The following AMD1 variants were observed in gnomAD, a reference collection of about 807,000 sequenced individuals.
AMD1 encodes adenosylmethionine decarboxylase 1.
A neutral mutation model predicts 40.2 loss-of-function variants in AMD1; 11 were observed. The ratio of observed to expected loss-of-function variants is 0.27; its 90% CI spans 0.17 to 0.45. The LOEUF (loss-of-function observed/expected upper bound fraction) is 0.45. Ranked by LOEUF, AMD1 falls within the 20% of genes least tolerant of loss-of-function variation. The probability of loss-of-function intolerance (pLI) is 1.00; values close to 1 mark genes in which losing one functional copy is unlikely to be tolerated. For synonymous variants in AMD1, 121 were observed against 130.8 expected, an observed-to-expected ratio of 0.93 and a Z score of 0.51; for missense variants, 257 against 410.2, an observed-to-expected ratio of 0.63 and a Z score of 3.23.
the AMD1 span, among the ~76,000 whole-genome samples, chr6:110,841,793 T>G: frequency 6.6e-6 from 1 of 151,532 alleles, no homozygotes; most frequent in South Asian, 2.1e-4. Context: ...TTGTTTTATT[T>G]TATTTATTTA....
intron 1 of AMD1, among the ~76,000 whole-genome samples, chr6:110,884,956 C>G (rs964699048): frequency 6.6e-6 from 1 of 152,120 alleles, no homozygotes; most frequent in Non-Finnish European, 1.5e-5. Flanking sequence ...TAGATAAGCT[C>G]TTTAAAAATC....
the AMD1 span, among the ~76,000 whole-genome samples, chr6:110,827,784 A>G: frequency 6.8e-6 from 1 of 147,540 alleles, no homozygotes; most frequent in Non-Finnish European, 1.5e-5. Flanking sequence ...AAAAAAAAAC[A>G]CTACGAGAAT....
the AMD1 span, among the ~76,000 whole-genome samples, chr6:110,835,528 T>C: frequency 6.6e-6 from 1 of 152,134 alleles, no homozygotes; most frequent in East Asian, 1.9e-4. Flanking sequence ...ATATTGTGTT[T>C]CACTGAGTCA....
In AMD1 at chr6:110,876,047, G is replaced by C. The variant is rs560384598; in HGVS notation, c.110+832G>C. 2.6e-5 allele frequency among the ~76,000 whole-genome samples: 4 copies of C among 152,338 alleles called. No individual in the cohort carries two copies. In the South Asian group the frequency reaches 8.3e-4, roughly 32 times the overall value. On this transcript the variant is annotated intron_variant, in intron 1 of 8. Coordinates refer to ENST00000368885, the MANE Select transcript of AMD1 (RefSeq NM_001634.6). ...GGTGCGGGTGGAGGGAGGCCCGCCT[G>C]CCCCAGGACATAATGCCTCTAATGC...
chr6:110,814,846 G>T, the AMD1 span: 2 of 894,556 alleles, frequency 2.2e-6, no homozygotes, highest in Non-Finnish European at 1.7e-6. Flanking sequence ...GGGGAGGCGG[G>T]CGGAACGGGC....
the AMD1 span, among the ~76,000 whole-genome samples, chr6:110,866,637 C>T: frequency 6.6e-6 from 1 of 152,064 alleles, no homozygotes; most frequent in South Asian, 2.1e-4. Context: ...CATTCCTGGC[C>T]TTCCAGGGAG....
At chr6:110,851,913 T>C in the AMD1 span, among the ~76,000 whole-genome samples, 1 of 152,230 alleles carries the variant, frequency 6.6e-6, no homozygotes, top group Middle Eastern at 3.4e-3. Flanking sequence ...TGAATGAATA[T>C]GCAAAAAATA....
intron 6 of AMD1, 77 bp downstream of exon 6, chr6:110,892,520 T>G: frequency 6.3e-7 from 1 of 1,585,904 alleles, no homozygotes; most frequent in Admixed American, 1.7e-5. Flanking sequence ...CTGTAACTTT[T>G]AAGTTCAGGG....
chr6:110,890,441 T>TA (rs1785950775), intron 4 of AMD1, 85 bp downstream of exon 4: 1 of 958,474 alleles, frequency 1.0e-6, no homozygotes, highest in African/African-American at 1.7e-5. Context: ...AGAGCATACT[T>TA]ATGCATATAT....
chr6:110,815,166 G>A, the AMD1 span: 34 of 1,560,540 alleles, frequency 2.2e-5, no homozygotes, highest in Non-Finnish European at 2.9e-5. Flanking sequence ...GGCACGGGAC[G>A]CGGGGGCCGC....
intron 1 of AMD1, among the ~76,000 whole-genome samples, chr6:110,882,690 CTGTT>C (rs1471877567): frequency 9.9e-5 from 15 of 152,118 alleles, no homozygotes; most frequent in African/African-American, 3.6e-4. Context: ...GACAGTTTAA[CTGTT>C]TGTCCTAGGT....
At chr6:110,888,677 G>A (rs985325206) in intron 2 of AMD1, 180 bp from the exon 3 acceptor site, 42 of 479,010 alleles carry the variant, frequency 8.8e-5, no homozygotes, top group African/African-American at 5.4e-4. Flanking sequence ...CTTACCATGT[G>A]CCAAGCCCTG....
the AMD1 span, chr6:110,858,292 C>A: frequency 2.2e-6 from 2 of 923,650 alleles, no homozygotes; most frequent in East Asian, 2.6e-5. Context: ...CAGCCGAGAT[C>A]AAGAACCGGC....
chr6:110,893,164 T>C (rs1027311968), intron 8 of AMD1, 99 bp downstream of exon 8: 126 of 1,092,972 alleles, frequency 1.2e-4, no homozygotes, highest in Non-Finnish European at 1.6e-4. Flanking sequence ...ATAGCACATA[T>C]ACCAGCCACT....
At chr6:110,874,208 C>G (rs937545004), upstream of AMD1, among the ~76,000 whole-genome samples, 1 of 152,226 alleles carries the variant, frequency 6.6e-6, no homozygotes, top group Non-Finnish European at 1.5e-5. Context: ...CGCACATCAG[C>G]CAAGGCGTGA....
the AMD1 span, among the ~76,000 whole-genome samples, chr6:110,854,734 C>G: frequency 1.3e-5 from 2 of 151,894 alleles, no homozygotes; most frequent in Non-Finnish European, 2.9e-5. Context: ...AGGAGTGAGC[C>G]ACCGCACCCG....
chr6:110,825,957 G>A, the AMD1 span, among the ~76,000 whole-genome samples: 9 of 151,898 alleles, frequency 5.9e-5, no homozygotes, highest in East Asian at 1.9e-4. Flanking sequence ...TGCTTGAGAC[G>A]GGAGTTTGAG....
the AMD1 span, among the ~76,000 whole-genome samples, chr6:110,860,996 CG>C: frequency 1.3e-5 from 2 of 151,450 alleles, no homozygotes; most frequent in African/African-American, 2.4e-5. Context: ...GAGGTCAAGG[CG>C]GGTGGATCAC....
rs756525090 is a variant in AMD1 at position 110,893,708 on chromosome 6, A to G, written c.*92A>G. 554 of 1,411,104 alleles carry G rather than the reference A, an allele frequency of 3.9e-4. 5 individuals are homozygous for G. Among genetic ancestry groups the G allele is most frequent in the Non-Finnish European group, 8.3e-5 (86 of 1,033,962 alleles). 87.4% of individuals were successfully genotyped at this position (1,411,104 alleles called of 1,614,324 possible). On this transcript the variant is annotated 3_prime_UTR_variant, in exon 9 of 9. Coordinates refer to ENST00000368885, the MANE Select transcript of AMD1 (RefSeq NM_001634.6). ...GTCGATGCTGGGGGCAGTGCTTTCC[A>G]TAACCACCACTGTGTAGTTGCAGAA...
Sources: gnomAD v4.1 joint callset for allele counts (sites outside exome capture counted in the v4.1 genomes callset) on GRCh38, gnomAD v4.1.1 for gene constraint, MANE v1.5 for transcripts, NCBI Gene and HGNC (gene_info 2026-07-23, HGNC 2026-07-21) for gene names.